Variants in RANBP17 observed in about 807,000 individuals in gnomAD.
RANBP17 encodes the protein ran-binding protein 17.
RANBP17 carries 158 observed loss-of-function variants against 141.2 expected under a neutral mutation model. The ratio of observed to expected loss-of-function variants is 1.12; its 90% CI spans 0.98 to 1.28. RANBP17 has a LOEUF of 1.28. RANBP17 is among the 50% of genes most tolerant of loss of function. RANBP17 has a pLI of 0.00. For synonymous variants in RANBP17, 430 were observed against 450.0 expected (o/e 0.96, Z 0.56); for missense variants, 1,438 against 1,290.7 (o/e 1.11, Z -1.75).
At position 171,227,144 on chromosome 5, in the gene RANBP17, A is replaced by G. The variant is rs181878446; in HGVS notation, c.2422+5304A>G. On this transcript the variant is annotated intron_variant, in intron 22 of 27. Coordinates refer to ENST00000523189, the MANE Select transcript of RANBP17 (RefSeq NM_022897.5). ...AGTTGTACATGTCTCACTTTAAATC[A>G]AAAGCTAGAAATGATTAAGCTTAGC... 5.7e-4 allele frequency among the ~76,000 whole-genome samples: 87 copies of G among 152,350 alleles called. 1 individual carries two copies. Among genetic ancestry groups the G allele is most frequent in the Non-Finnish European group, 1.1e-3 (74 of 68,034 alleles).
chr5:171,162,628 A>C (rs1759433823), intron 14 of RANBP17, among the ~76,000 whole-genome samples: 1 of 152,124 alleles, frequency 6.6e-6, no homozygotes, highest in Admixed American at 6.6e-5. Flanking sequence ...ACTCAGAAAT[A>C]TCTCTGACAG....
intron 16 of RANBP17, among the ~76,000 whole-genome samples, chr5:171,175,085 T>C (rs1760358615): frequency 6.6e-6 from 1 of 152,136 alleles, no homozygotes; most frequent in Admixed American, 6.6e-5. Context: ...TTGCTGAGAA[T>C]GATGGTTTCC....
At chr5:171,144,006 G>A (rs1220805264) in intron 14 of RANBP17, among the ~76,000 whole-genome samples, 2 of 152,092 alleles carry the variant, frequency 1.3e-5, no homozygotes, top group African/African-American at 2.4e-5. Flanking sequence ...CTATAGTTGG[G>A]AAGGGCCAGA....
intron 14 of RANBP17, among the ~76,000 whole-genome samples, chr5:171,001,396 A>G (rs1779191588): frequency 6.6e-6 from 1 of 152,188 alleles, no homozygotes; most frequent in African/African-American, 2.4e-5. Flanking sequence ...CAGGACGTCC[A>G]ATTAGAGAGC....
chr5:170,978,952 T>C (rs1777578472), intron 14 of RANBP17, among the ~76,000 whole-genome samples: 1 of 152,192 alleles, frequency 6.6e-6, no homozygotes, highest in Non-Finnish European at 1.5e-5. Flanking sequence ...TACGGTATTG[T>C]TACACAGTGG....
chr5:171,061,044 TTCTC>T lies in RANBP17; in HGVS notation c.1710+92671_1710+92674del, dbSNP rs1484487979. Among the ~76,000 whole-genome samples, 3 of 152,056 alleles carry T rather than the reference TTCTC, an allele frequency of 2.0e-5. No individual in the cohort carries two copies. In the East Asian group the frequency reaches 5.8e-4, roughly 29 times the overall value. Reference sequence around the variant, plus strand: ...ATTTTTTATTGTGTCTATTTGATTCTTCTCTCTTTTTTTCTTCATTAGTCTTGCT... The same window carrying T: ...ATTTTTTATTGTGTCTATTTGATTCTTCTTTTTTTCTTCATTAGTCTTGCT... On this transcript the variant is annotated intron_variant, in intron 14 of 27. Coordinates refer to ENST00000523189, the MANE Select transcript of RANBP17 (RefSeq NM_022897.5).
At chr5:171,203,707 CGAG>C (rs1300455606) in intron 19 of RANBP17, among the ~76,000 whole-genome samples, 5 of 151,872 alleles carry the variant, frequency 3.3e-5, no homozygotes, top group African/African-American at 1.2e-4. Flanking sequence ...TTTTGTATAA[CGAG>C]GATAGTCTAA....
At position 171,047,534 on chromosome 5, in the gene RANBP17, G is replaced by A. The variant is rs544952562; in HGVS notation, c.1710+79157G>A. Among the ~76,000 whole-genome samples, 29 of 148,246 alleles carry A rather than the reference G, an allele frequency of 2.0e-4. No individual in the cohort carries two copies. In the East Asian group the frequency reaches 4.5e-3, roughly 23 times the overall value. On this transcript the variant is annotated intron_variant, in intron 14 of 27. Coordinates refer to ENST00000523189, the MANE Select transcript of RANBP17 (RefSeq NM_022897.5). ...TCACTGCAACCTCCCTCCACCTCCC[G>A]GGTTCAAGAGATTGTTCTGCCTCAG...
chr5:171,251,748 C>T, intron 24 of RANBP17: 1 of 817,180 alleles, frequency 1.2e-6, no homozygotes, highest in South Asian at 1.5e-5. Flanking sequence ...AGCAGGTGGC[C>T]CCGTTCCCCT....
At chr5:171,269,920 C>A (rs1424401706) in intron 25 of RANBP17, among the ~76,000 whole-genome samples, 1 of 152,172 alleles carries the variant, frequency 6.6e-6, no homozygotes, top group East Asian at 1.9e-4. Context: ...GGTTTGTCAG[C>A]TCTTTAAACT....
chr5:171,041,824 T>C (rs1036609463), intron 14 of RANBP17, among the ~76,000 whole-genome samples: 1 of 152,130 alleles, frequency 6.6e-6, no homozygotes, highest in African/African-American at 2.4e-5. Flanking sequence ...GGTGGTTTGC[T>C]GCACCTATCA....
intron 14 of RANBP17, among the ~76,000 whole-genome samples, chr5:171,008,777 A>C (rs1335845405): frequency 6.6e-6 from 1 of 152,194 alleles, no homozygotes; most frequent in African/African-American, 2.4e-5. Flanking sequence ...CAGTTGCTTC[A>C]GGCCATCTGG....
intron 14 of RANBP17, among the ~76,000 whole-genome samples, chr5:171,132,906 A>G (rs1415541042): frequency 6.6e-6 from 1 of 151,330 alleles, no homozygotes; most frequent in Non-Finnish European, 1.5e-5. Context: ...TTTTTTTGAG[A>G]CGGAGTTTCG....
At chr5:171,274,941 G>T (rs139947464) in intron 25 of RANBP17, among the ~76,000 whole-genome samples, 1 of 152,246 alleles carries the variant, frequency 6.6e-6, no homozygotes, top group East Asian at 1.9e-4. Context: ...TTCAAATATT[G>T]TTCCAAATGG....
At chr5:171,213,111 T>A (rs1336132791) in intron 20 of RANBP17, among the ~76,000 whole-genome samples, 5 of 152,168 alleles carry the variant, frequency 3.3e-5, no homozygotes, top group African/African-American at 9.7e-5. Context: ...AATATTTTTT[T>A]AAAAAGAATA....
chr5:171,013,267 AG>A (rs1223701086), intron 14 of RANBP17, among the ~76,000 whole-genome samples: 1 of 152,158 alleles, frequency 6.6e-6, no homozygotes, highest in East Asian at 1.9e-4. Flanking sequence ...GCCTTCGTGG[AG>A]CATCAGACTG....
chr5:171,260,372 A>T (rs1766226218), intron 24 of RANBP17, among the ~76,000 whole-genome samples: 1 of 150,354 alleles, frequency 6.7e-6, no homozygotes, highest in South Asian at 2.1e-4. Context: ...CAGGAGGCTG[A>T]AGTAAGAATA....
intron 11 of RANBP17, 31 bp downstream of exon 11, chr5:170,919,644 T>A (rs1336755464): frequency 2.0e-6 from 3 of 1,510,410 alleles, no homozygotes; most frequent in African/African-American, 1.4e-5. Flanking sequence ...TTTGTTGTAT[T>A]TCCTTTTGAC....
At chr5:170,905,855 A>T (rs183742199) in intron 5 of RANBP17, among the ~76,000 whole-genome samples, 19 of 152,280 alleles carry the variant, frequency 1.2e-4, no homozygotes, top group Middle Eastern at 6.8e-3. Context: ...ATAGGAAAAT[A>T]GTCTGCCCTG....
Sources: gnomAD v4.1 joint callset for allele counts (sites outside exome capture counted in the v4.1 genomes callset) on GRCh38, gnomAD v4.1.1 for gene constraint, MANE v1.5 for transcripts, NCBI Gene and HGNC (gene_info 2026-07-23, HGNC 2026-07-21) for gene names.